The following FRMD4A variants were observed in gnomAD, a reference collection of about 807,000 sequenced individuals.
FRMD4A encodes the protein FERM domain-containing protein 4A.
In FRMD4A, 29 loss-of-function variants were observed where a neutral mutation model predicts 129.1. The ratio of observed to expected loss-of-function variants is 0.22; its 90% CI spans 0.17 to 0.31. The LOEUF is 0.31. Ranked by LOEUF, FRMD4A falls within the 10% of genes least tolerant of loss-of-function variation. FRMD4A has a pLI of 1.00. For missense variants in FRMD4A, 1,272 were observed against 1,375.8 expected (o/e 0.92, Z 1.19); for synonymous variants, 634 against 571.6 (o/e 1.11, Z -1.56).
chr10:13,747,878 G>T, intron 8 of FRMD4A, 59 bp from the exon 9 acceptor site: 1 of 929,080 alleles, frequency 1.1e-6, no homozygotes, highest in Non-Finnish European at 1.8e-6. Flanking sequence ...CGCACTCTCT[G>T]ATACCACTTG....
intron 3 of FRMD4A, among the ~76,000 whole-genome samples, chr10:13,829,508 A>G (rs78401418): frequency 0.017 from 2,629 of 152,306 alleles, 108 homozygotes; most frequent in East Asian, 0.14. Context: ...GCAAAAAGCA[A>G]AAACCAGTGT....
intron 2 of FRMD4A, among the ~76,000 whole-genome samples, chr10:13,933,684 A>G (rs1475928192): frequency 2.0e-5 from 3 of 152,188 alleles, no homozygotes; most frequent in Non-Finnish European, 4.4e-5. Context: ...CCAGATTTTC[A>G]ACATAAGAAG....
intron 2 of FRMD4A, among the ~76,000 whole-genome samples, chr10:14,219,599 T>G (rs749631997): frequency 1.3e-5 from 2 of 152,184 alleles, no homozygotes; most frequent in Non-Finnish European, 2.9e-5. Flanking sequence ...CTTTTTCTAC[T>G]GAGTCACAGT....
At position 14,330,788 on chromosome 10, in the gene FRMD4A, A is replaced by G; in HGVS notation, c.-273T>C. The G allele has an allele frequency of 2.5e-6, 1 of 398,792 alleles. No homozygotes were observed. The highest frequency in any genetic ancestry group is 3.6e-5 in the East Asian group (1 of 28,076). 24.7% of individuals were successfully genotyped at this position (398,792 alleles called of 1,614,324 possible). On this transcript the variant is annotated 5_prime_UTR_variant, in exon 1 of 25. The change abolishes the stop of an existing upstream ORF in the 5' untranslated region. Coordinates refer to ENST00000357447, the MANE Select transcript of FRMD4A (RefSeq NM_018027.5). ...TGACCCTTCCACCTTCCCCAGATCT[A>G]CTTTTCCTCTCCAAGTAGACTGGCC...
At chr10:14,226,838 G>C (rs1843454557) in intron 2 of FRMD4A, among the ~76,000 whole-genome samples, 1 of 152,082 alleles carries the variant, frequency 6.6e-6, no homozygotes, top group Non-Finnish European at 1.5e-5. Flanking sequence ...CCTGTCTCCT[G>C]GTCCGCTTTA....
chr10:14,045,475 G>A (rs1833949228), intron 2 of FRMD4A, among the ~76,000 whole-genome samples: 1 of 151,798 alleles, frequency 6.6e-6, no homozygotes, highest in African/African-American at 2.4e-5. Flanking sequence ...CTTTCATGGT[G>A]AGTTATATAC....
chr10:14,005,861 T>C (rs2095660347), intron 2 of FRMD4A, among the ~76,000 whole-genome samples: 3 of 152,208 alleles, frequency 2.0e-5, no homozygotes, highest in African/African-American at 7.2e-5. Flanking sequence ...TGTGCCTTGT[T>C]AGTGACTCGC....
At chr10:13,975,836 C>T (rs1311213943) in intron 2 of FRMD4A, among the ~76,000 whole-genome samples, 3 of 152,304 alleles carry the variant, frequency 2.0e-5, no homozygotes, top group Admixed American at 2.0e-4. Context: ...AGACCTCCTG[C>T]ACACTGTGAC....
At chr10:14,074,118 T>A (rs6602701) in intron 2 of FRMD4A, among the ~76,000 whole-genome samples, 9,960 of 151,640 alleles carry the variant, frequency 0.066, 614 homozygotes, top group African/African-American at 0.16. Context: ...CAAAAAAAAT[T>A]TTTTTTGTTT....
At position 13,690,078 on chromosome 10, in the gene FRMD4A, C is replaced by T. The variant is rs137930897; in HGVS notation, c.1117+3820G>A. Among the ~76,000 whole-genome samples, 8 of 152,256 alleles carry T rather than the reference C, an allele frequency of 5.3e-5. No homozygotes were observed. The East Asian group carries it at 1.2e-3, about 22-fold the overall frequency. On this transcript the variant is annotated intron_variant, in intron 15 of 24. Coordinates refer to ENST00000357447, the MANE Select transcript of FRMD4A (RefSeq NM_018027.5). ...GGTGAAAGAGAGAAAACAGTTGACC[C>T]AACTGGACACTGGGTTATACATATC...
chr10:14,180,579 C>T (rs1841881283), intron 2 of FRMD4A, among the ~76,000 whole-genome samples: 1 of 152,182 alleles, frequency 6.6e-6, no homozygotes. Context: ...GCCCAGCCTA[C>T]ATCAGCAAAA....
intron 2 of FRMD4A, among the ~76,000 whole-genome samples, chr10:13,905,669 G>A (rs2094874476): frequency 6.6e-6 from 1 of 152,158 alleles, no homozygotes; most frequent in Non-Finnish European, 1.5e-5. Context: ...CAACACTGTA[G>A]GTCTTGTTAA....
At chr10:13,971,126 G>T (rs751606225) in intron 2 of FRMD4A, among the ~76,000 whole-genome samples, 51 of 151,432 alleles carry the variant, frequency 3.4e-4, no homozygotes, top group Non-Finnish European at 6.2e-4. Flanking sequence ...ATGCACACAC[G>T]CACGCACGCG....
chr10:14,006,365 T>C (rs1482558049), intron 2 of FRMD4A, among the ~76,000 whole-genome samples: 1 of 152,234 alleles, frequency 6.6e-6, no homozygotes, highest in Non-Finnish European at 1.5e-5. Context: ...TGAAGGCAAG[T>C]GTGTGCAAAC....
chr10:13,863,427 CAA>C (rs34102644), intron 2 of FRMD4A, among the ~76,000 whole-genome samples: 249 of 147,182 alleles, frequency 1.7e-3, no homozygotes, highest in East Asian at 0.016. Context: ...ACTAAAAATA[CAA>C]AAAAAAAAAA....
chr10:14,039,250 T>G (rs750190383), intron 2 of FRMD4A, among the ~76,000 whole-genome samples: 1 of 152,210 alleles, frequency 6.6e-6, no homozygotes, highest in Non-Finnish European at 1.5e-5. Flanking sequence ...TATATCCTTT[T>G]GCTTACAATA....
At chr10:13,981,221 A>C (rs1016564141) in intron 2 of FRMD4A, among the ~76,000 whole-genome samples, 11 of 152,206 alleles carry the variant, frequency 7.2e-5, no homozygotes, top group Admixed American at 5.2e-4. Flanking sequence ...ACCAAGAACT[A>C]TCATGGGTTG....
chr10:13,799,430 T>C (rs1391486788), intron 4 of FRMD4A, among the ~76,000 whole-genome samples: 1 of 152,216 alleles, frequency 6.6e-6, no homozygotes, highest in Non-Finnish European at 1.5e-5. Context: ...AGTCCTGGGA[T>C]GACAGAGGTG....
chr10:14,156,523 A>G (rs1187118614), intron 2 of FRMD4A, among the ~76,000 whole-genome samples: 1 of 152,168 alleles, frequency 6.6e-6, no homozygotes, highest in Non-Finnish European at 1.5e-5. Flanking sequence ...GATAAATACC[A>G]AATTCAGGGT....
Sources: gnomAD v4.1 joint callset for allele counts (sites outside exome capture counted in the v4.1 genomes callset) on GRCh38, gnomAD v4.1.1 for gene constraint, MANE v1.5 for transcripts, NCBI Gene and HGNC (gene_info 2026-07-23, HGNC 2026-07-21) for gene names.